Variants in PLEKHG7 observed in about 807,000 individuals in gnomAD.
The protein encoded by PLEKHG7 is pleckstrin homology domain-containing family G member 7.
A neutral mutation model predicts 85.2 loss-of-function variants in PLEKHG7; 77 were observed. The ratio of observed to expected loss-of-function variants is 0.90; its 90% confidence interval spans 0.75 to 1.09. The LOEUF (loss-of-function observed/expected upper bound fraction) is 1.09, where lower values mean the gene tolerates loss of function less well. PLEKHG7 is among the 50% of genes least tolerant of loss of function. The pLI is 0.00. For missense variants in PLEKHG7, 777 were observed against 804.3 expected, an observed-to-expected ratio of 0.97 and a Z score of 0.41; for synonymous variants, 301 against 302.4, an observed-to-expected ratio of 1.00 and a Z score of 0.05.
At chr12:92,707,198 C>G (rs2136567939) in intron 2 of PLEKHG7, 60 bp downstream of exon 2, 1 of 1,543,912 alleles carries the variant, frequency 6.5e-7, no homozygotes, top group East Asian at 2.3e-5. Flanking sequence ...AAATAGATCT[C>G]AGAGTTGCTT....
rs1873445834 is a variant in PLEKHG7, at chr12:92,771,935, T to C, written c.*1740T>C. On this transcript the variant is annotated 3_prime_UTR_variant, in exon 17 of 17. Transcript: ENST00000344636. ...ATATGCTGTACATAAACTGGAATTC[T>C]ATAAAGCTCACAAAGTAACATGTCT... 6.6e-6 allele frequency: 1 copy of C among 152,008 alleles called. No homozygotes were observed. Among genetic ancestry groups the C allele is most frequent in the Non-Finnish European group, 1.5e-5 (1 of 67,912 alleles). The allele number at this position is 152,008 out of a possible 1,614,324, so 9.4% of individuals were successfully genotyped here.
chr12:92,714,690 C>T (rs1871433164), intron 3 of PLEKHG7, among the ~76,000 whole-genome samples: 1 of 152,138 alleles, frequency 6.6e-6, no homozygotes, highest in Non-Finnish European at 1.5e-5. Flanking sequence ...ACCCAACCAG[C>T]TTTGTTATGT....
Position 92,706,844 on chromosome 12 carries a change from G to A in PLEKHG7, c.213G>A (p.Trp71Ter), listed in dbSNP as rs1313658401. The A allele has an allele frequency of 6.2e-7, 1 of 1,613,912 alleles. No individual in the cohort carries two copies. Residue 71 changes from tryptophan to a stop codon, truncating the protein, a stop_gained, in exon 2 of 17, where the codon TGG becomes TGA. Coordinates refer to ENST00000344636, the MANE Select transcript of PLEKHG7 (RefSeq NM_001377329.1). LOFTEE classifies it high-confidence loss of function. ...TRQDAWQVTT[W>*]GSWGAPVGFP... The stretch of plus-strand genomic sequence containing the variant: ...AGGATGCCTGGCAGGTGACCACCTG[G>A]GGAAGCTGGGGAGCTCCTGTGGGCT...
chr12:92,742,592 T>TTG lies in PLEKHG7; in HGVS notation c.1137+1001_1137+1002insGT, dbSNP rs1872397019. Among the ~76,000 whole-genome samples the TTG allele has an allele frequency of 1.3e-3, 3 of 2,388 alleles. No homozygotes were observed. In the South Asian group the frequency reaches 0.071, roughly 57 times the overall value. 1.6% of individuals were successfully genotyped at this position (2,388 alleles called of 152,430 possible). A position where few individuals can be genotyped will look rare whatever the true frequency, so the allele number is the denominator to read the frequency against. On this transcript the variant is annotated intron_variant, in intron 9 of 16. Coordinates refer to ENST00000344636, the MANE Select transcript of PLEKHG7 (RefSeq NM_001377329.1). ...TTGGATATTTTTGTTTGTTGTTTAG[T>TTG]TTTTTTTTTTTTTTAGACAGTCTCA... is the stretch of plus-strand genomic sequence containing the variant.
intron 1 of PLEKHG7, 45 bp from the exon 2 acceptor site, chr12:92,706,426 C>G (rs1871228940): frequency 1.8e-6 from 1 of 562,084 alleles, no homozygotes; most frequent in African/African-American, 1.9e-5. Context: ...ACTGCAGTCT[C>G]CCTCATTTGC....
chr12:92,754,142 T>C lies in PLEKHG7; in HGVS notation c.1304T>C (p.Val435Ala), dbSNP rs760501914. 1 of 1,614,028 alleles carries C rather than the reference T, an allele frequency of 6.2e-7. No individual in the cohort carries two copies. Among genetic ancestry groups the C allele is most frequent in the Non-Finnish European group, 8.5e-7 (1 of 1,179,942 alleles). ...CRRLHVPELL[V>A]APLQRLTRYP... The stretch of plus-strand genomic sequence containing the variant: ...CGGCTCCACGTGCCAGAGCTGCTAG[T>C]GGCCCCACTACAGAGGCTCACTCGA... Residue 435 changes from valine to alanine, a missense_variant, in exon 11 of 17, where the codon GTG (valine) becomes GCG (alanine). Transcript: ENST00000344636.
intron 3 of PLEKHG7, chr12:92,721,455 C>A (rs1041371801): frequency 3.2e-5 from 40 of 1,230,878 alleles, no homozygotes; most frequent in Admixed American, 4.2e-5. Context: ...AGAAGGGAGA[C>A]GAGACTATTC....
At chr12:92,752,228 T>C (rs773149456) in intron 10 of PLEKHG7, among the ~76,000 whole-genome samples, 7 of 151,930 alleles carry the variant, frequency 4.6e-5, no homozygotes, top group Non-Finnish European at 1.0e-4. Context: ...AATAGTAGGG[T>C]CTCATGGGCT....
chr12:92,748,565 A>G (rs901356974), intron 10 of PLEKHG7, among the ~76,000 whole-genome samples: 1 of 152,152 alleles, frequency 6.6e-6, no homozygotes, highest in Non-Finnish European at 1.5e-5. Context: ...TGCTTTTATA[A>G]CGCATAATAC....
intron 3 of PLEKHG7, among the ~76,000 whole-genome samples, chr12:92,720,556 C>T (rs531973924): frequency 2.0e-5 from 3 of 152,248 alleles, no homozygotes; most frequent in South Asian, 2.1e-4. Flanking sequence ...GAACTTCTGA[C>T]TTCAGGTGAT....
At chr12:92,764,713 T>C (rs1178009448) in intron 15 of PLEKHG7, among the ~76,000 whole-genome samples, 1 of 152,014 alleles carries the variant, frequency 6.6e-6, no homozygotes, top group African/African-American at 2.4e-5. Context: ...ATCAGAAATA[T>C]ATATCATTTT....
chr12:92,729,171 T>C (rs1871909839), intron 4 of PLEKHG7, 51 bp downstream of exon 4: 3 of 1,230,546 alleles, frequency 2.4e-6, no homozygotes, highest in African/African-American at 1.6e-5. Flanking sequence ...GGAACAGATA[T>C]TGCCATAACC....
chr12:92,734,911 C>T (rs940444328), intron 5 of PLEKHG7, among the ~76,000 whole-genome samples: 8 of 152,188 alleles, frequency 5.3e-5, no homozygotes, highest in African/African-American at 1.9e-4. Context: ...CCTTCAAATG[C>T]TTCTCATTGC....
intron 2 of PLEKHG7, 200 bp downstream of exon 2, chr12:92,707,338 T>C: frequency 7.0e-7 from 1 of 1,428,860 alleles, no homozygotes; most frequent in Non-Finnish European, 9.1e-7. Flanking sequence ...GGAAAGAAAA[T>C]GATCTCGCTC....
intron 10 of PLEKHG7, among the ~76,000 whole-genome samples, chr12:92,752,547 C>A (rs768591759): frequency 1.3e-5 from 2 of 152,104 alleles, no homozygotes; most frequent in South Asian, 2.1e-4. Flanking sequence ...AGGACTGACA[C>A]GTGGGCTTGA....
chr12:92,730,070 C>T (rs1323373320), intron 4 of PLEKHG7, among the ~76,000 whole-genome samples: 1 of 152,188 alleles, frequency 6.6e-6, no homozygotes, highest in Admixed American at 6.5e-5. Context: ...CATCTGTTAT[C>T]ATCTGTCATC....
intron 9 of PLEKHG7, among the ~76,000 whole-genome samples, chr12:92,742,677 C>T (rs1872400793): frequency 6.6e-6 from 1 of 151,560 alleles, no homozygotes; most frequent in Admixed American, 6.6e-5. Flanking sequence ...CCTCCACCTC[C>T]CAGGTTCAAG....
chr12:92,707,584 G>A lies in PLEKHG7; in HGVS notation c.508-66G>A, dbSNP rs959452358. 7.0e-6 allele frequency: 11 copies of A among 1,582,422 alleles called. No homozygotes were observed. In the African/African-American group the frequency reaches 1.1e-4, roughly 15 times the overall value. ...GGCTCATTGTTTCTCCTTTCAACAT[G>A]TTTGCTTTGGAGTTTGGGATGGGTT... On this transcript the variant is annotated intron_variant, in intron 2 of 16. Transcript: ENST00000344636.
chr12:92,770,196 G>A lies in PLEKHG7; in HGVS notation c.*1G>A. ...GCCCGCAGAATCCTCTGAAATTTAG[G>A]GACCTAAAACAAGTGGCATGTCTTT... is the stretch of plus-strand genomic sequence containing the variant. On this transcript the variant is annotated 3_prime_UTR_variant, in exon 17 of 17. Coordinates refer to ENST00000344636, the MANE Select transcript of PLEKHG7 (RefSeq NM_001377329.1). The A allele has an allele frequency of 6.4e-7, 1 of 1,572,762 alleles. No individual in the cohort carries two copies. The highest frequency in any genetic ancestry group is 8.7e-7 in the Non-Finnish European group (1 of 1,151,260).
Sources: gnomAD v4.1 joint callset for allele counts (sites outside exome capture counted in the v4.1 genomes callset) on GRCh38, gnomAD v4.1.1 for gene constraint, MANE v1.5 for transcripts, NCBI Gene and HGNC (gene_info 2026-07-23, HGNC 2026-07-21) for gene names.